The following ADAM12 variants were observed in gnomAD, a reference collection of about 807,000 sequenced individuals.
ADAM12 encodes ADAM metallopeptidase domain 12.
ADAM12 carries 70 observed loss-of-function variants against 106.4 expected under a neutral mutation model. The observed-to-expected ratio is 0.66, with a 90% CI of 0.54 to 0.80. The LOEUF (loss-of-function observed/expected upper bound fraction) is 0.80, where lower values mean the gene tolerates loss of function less well. ADAM12 is among the 30% of genes least tolerant of loss of function. The pLI, the probability that ADAM12 is intolerant of heterozygous loss-of-function variation, is 0.00. For synonymous variants in ADAM12, 420 were observed against 433.5 expected (o/e 0.97, Z 0.39); for missense variants, 1,010 against 1,171.9 (o/e 0.86, Z 2.02).
At chr10:126,024,377 G>C (rs1390669898) in intron 21 of ADAM12, among the ~76,000 whole-genome samples, 1 of 152,102 alleles carries the variant, frequency 6.6e-6, no homozygotes, top group Non-Finnish European at 1.5e-5. Flanking sequence ...GAATAAATGT[G>C]AGTAAATTTT....
chr10:126,309,238 C>T (rs1271146481), intron 2 of ADAM12, among the ~76,000 whole-genome samples: 1 of 152,128 alleles, frequency 6.6e-6, no homozygotes, highest in Non-Finnish European at 1.5e-5. Flanking sequence ...TTGAGGAAGA[C>T]AATGTTTGCA....
intron 3 of ADAM12, among the ~76,000 whole-genome samples, chr10:126,239,171 G>C (rs1958475117): frequency 6.6e-6 from 1 of 152,184 alleles, no homozygotes; most frequent in Admixed American, 6.5e-5. Context: ...TTTTGATTCT[G>C]AACTAATTCA....
chr10:126,190,313 G>A (rs180691811), intron 3 of ADAM12, among the ~76,000 whole-genome samples: 2 of 151,362 alleles, frequency 1.3e-5, no homozygotes, highest in South Asian at 2.1e-4. Flanking sequence ...CAATTCTCCC[G>A]CCTCTGGCTC....
chr10:126,237,488 A>G (rs993505597), intron 3 of ADAM12, among the ~76,000 whole-genome samples: 1 of 152,160 alleles, frequency 6.6e-6, no homozygotes, highest in South Asian at 2.1e-4. Flanking sequence ...TTTGAAGCAA[A>G]TCCCAGATAT....
rs1466201115 is a variant in ADAM12 at position 126,056,303 on chromosome 10, A to G, written c.1610-6634T>C. Among the ~76,000 whole-genome samples the G allele has an allele frequency of 2.0e-5, 3 of 152,208 alleles. No homozygotes were observed. The East Asian group carries it at 5.8e-4, about 29-fold the overall frequency. On this transcript the variant is annotated intron_variant, in intron 14 of 22. Coordinates refer to ENST00000448723, the MANE Select transcript of ADAM12 (RefSeq NM_001288973.2). ...CAGCAATGATAGGGCTCACTGCCACATGGCAAAGAAAAGGGGCATTTGCAG... is the reference window on the plus strand; with the variant it reads ...CAGCAATGATAGGGCTCACTGCCACGTGGCAAAGAAAAGGGGCATTTGCAG...
chr10:126,230,086 C>T (rs1407515267), intron 3 of ADAM12, among the ~76,000 whole-genome samples: 2 of 152,126 alleles, frequency 1.3e-5, no homozygotes, highest in East Asian at 3.9e-4. Flanking sequence ...TCCAGGAAGC[C>T]TTCTTGTGGT....
At chr10:126,188,784 C>T (rs145231212) in intron 3 of ADAM12, among the ~76,000 whole-genome samples, 2 of 151,988 alleles carry the variant, frequency 1.3e-5, no homozygotes, top group Non-Finnish European at 2.9e-5. Context: ...TCCATCTATC[C>T]ATCATCCTTT....
Position 126,039,324 on chromosome 10 carries a change from G to A in ADAM12, c.2210C>T (p.Thr737Ile), listed in dbSNP as rs1192551738. The change falls in exon 19 of 23, where the codon ACA becomes ATA. Residue 737 changes from threonine to isoleucine, a missense_variant. Physicochemically the swap from Thr to Ile is moderately conservative, Grantham distance 89. Coordinates refer to ENST00000448723, the MANE Select transcript of ADAM12 (RefSeq NM_001288973.2). ...TTTTTCAATGGTGGTCTTCTTATTT[G>A]TAAACAGCAGTCGTATCAAGGTCTT... ...KRKTLIRLLF[T>I]NKKTTIEKLR... 2.5e-6 allele frequency: 4 copies of A among 1,613,876 alleles called. No homozygotes were observed. The highest frequency in any genetic ancestry group is 2.2e-5 in the East Asian group (1 of 44,874).
In ADAM12 at chr10:126,106,489, T is replaced by C. The variant is rs1316386179; in HGVS notation, c.741+2104A>G. ...ATCCCTTCTTTTTCTTCTTCTTCTTTTTTTTTTTTTTTTTTGAGATGGAGT... is the reference window on the plus strand; with the variant it reads ...ATCCCTTCTTTTTCTTCTTCTTCTTCTTTTTTTTTTTTTTTGAGATGGAGT... On this transcript the variant is annotated intron_variant, in intron 8 of 22. Transcript: ENST00000448723. 4.3e-3 allele frequency among the ~76,000 whole-genome samples: 591 copies of C among 136,722 alleles called. 6 individuals are homozygous for C. Among genetic ancestry groups the C allele is most frequent in the African/African-American group, 0.015 (521 of 34,328 alleles). The allele number at this position is 136,722 out of a possible 152,430, so 89.7% of individuals were successfully genotyped here. A position where few individuals can be genotyped will look rare whatever the true frequency, so the allele number is the denominator to read the frequency against.
rs1956688340 is a variant in ADAM12 at position 126,149,398 on chromosome 10, C to T, written c.339+5829G>A. Among the ~76,000 whole-genome samples the T allele has an allele frequency of 1.3e-5, 2 of 152,174 alleles. 1 individual carries two copies. Among genetic ancestry groups the T allele is most frequent in the African/African-American group, 4.8e-5 (2 of 41,438 alleles). ...TATTTCTTCGTCTTCTTGCTTATTG[C>T]ATTTTTCCTCCCAAGTGAGAAAGAA... On this transcript the variant is annotated intron_variant, in intron 4 of 22. Coordinates refer to ENST00000448723, the MANE Select transcript of ADAM12 (RefSeq NM_001288973.2).
At position 126,108,663 on chromosome 10, in the gene ADAM12, A is replaced by G. The variant is rs1164115110; in HGVS notation, c.671T>C (p.Phe224Ser). 1 of 1,613,206 alleles carries G rather than the reference A, an allele frequency of 6.2e-7. No homozygotes were observed. The highest frequency in any genetic ancestry group is 1.3e-5 in the African/African-American group (1 of 74,918). Residue 224 changes from phenylalanine to serine, a missense_variant and splice_region_variant, in exon 8 of 23, where the codon TTT becomes TCT. Phe to Ser is a radical substitution (Grantham distance 155). Coordinates refer to ENST00000448723, the MANE Select transcript of ADAM12 (RefSeq NM_001288973.2). ...ELVIVADNRE[F>S]QRQGKDLEKV... ...TTCCAGATCTTTTCCTTGCCTCTGA[A>G]ACTTAACAATTTTAAATGGCAGCAT...
chr10:126,133,745 C>T (rs1368393028), intron 5 of ADAM12, among the ~76,000 whole-genome samples: 1 of 152,188 alleles, frequency 6.6e-6, no homozygotes, highest in Admixed American at 6.5e-5. Context: ...TCTCTACTGC[C>T]TCCCTGTCCC....
intron 8 of ADAM12, among the ~76,000 whole-genome samples, chr10:126,106,288 TC>T (rs1955765971): frequency 6.6e-6 from 1 of 152,052 alleles, no homozygotes; most frequent in African/African-American, 2.4e-5. Flanking sequence ...CTCAGCCTCC[TC>T]TGCTTTAAAA....
chr10:126,235,127 C>T (rs1958388531), intron 3 of ADAM12, among the ~76,000 whole-genome samples: 1 of 152,138 alleles, frequency 6.6e-6, no homozygotes, highest in Non-Finnish European at 1.5e-5. Flanking sequence ...GTCGATGAGT[C>T]CAGGCCAGGC....
At chr10:126,271,192 G>T (rs575887881) in intron 3 of ADAM12, among the ~76,000 whole-genome samples, 3 of 152,310 alleles carry the variant, frequency 2.0e-5, no homozygotes, top group Admixed American at 2.0e-4. Context: ...CAAAGGACAA[G>T]TTCTTGGTCC....
At chr10:126,201,974 G>A (rs775446983) in intron 3 of ADAM12, among the ~76,000 whole-genome samples, 2 of 152,220 alleles carry the variant, frequency 1.3e-5, no homozygotes, top group African/African-American at 4.8e-5. Flanking sequence ...GAATGGGCGG[G>A]CCTTCTTTTT....
rs899855140 is a variant in ADAM12, at chr10:126,388,190, C to T, written c.-45G>A. 1.7e-6 allele frequency: 2 copies of T among 1,200,954 alleles called. No homozygotes were observed. Among genetic ancestry groups the T allele is most frequent in the Non-Finnish European group, 2.1e-6 (2 of 967,942 alleles). The allele number at this position is 1,200,954 out of a possible 1,614,324, so 74.4% of individuals were successfully genotyped here. Reference sequence around the variant, plus strand: ...AGCAGCTCTCGGGCCCGGCGGCGAGCGCTGCACCATCCCACGCGGGCGCCG... The same window carrying T: ...AGCAGCTCTCGGGCCCGGCGGCGAGTGCTGCACCATCCCACGCGGGCGCCG... On this transcript the variant is annotated 5_prime_UTR_variant, in exon 1 of 23. Transcript: ENST00000448723. The surrounding 1 kb of genome is among the most constrained non-coding windows in gnomAD (Gnocchi z 4.4).
At chr10:126,276,380 T>C (rs1366677661) in intron 3 of ADAM12, among the ~76,000 whole-genome samples, 2 of 152,266 alleles carry the variant, frequency 1.3e-5, no homozygotes, top group African/African-American at 4.8e-5. Context: ...TTTAAAATTC[T>C]ATTATATACT....
chr10:126,376,405 G>C (rs1179068207), intron 1 of ADAM12, among the ~76,000 whole-genome samples: 1 of 152,196 alleles, frequency 6.6e-6, no homozygotes, highest in Non-Finnish European at 1.5e-5. Flanking sequence ...ACTGGCACTT[G>C]TTGAAACTGA....
Sources: gnomAD v4.1 joint callset for allele counts (sites outside exome capture counted in the v4.1 genomes callset) on GRCh38, gnomAD v4.1.1 for gene constraint, Gnocchi (gnomAD v3.1) non-coding constraint, MANE v1.5 for transcripts, NCBI Gene and HGNC (gene_info 2026-07-23, HGNC 2026-07-21) for gene names.